The following TAFA1 variants were observed in gnomAD, a reference collection of about 807,000 sequenced individuals.
The protein encoded by TAFA1 is TAFA chemokine like family member 1, also known as chemokine-like protein TAFA-1.
Under a neutral mutation model 18.5 loss-of-function variants are expected in TAFA1, and 4 were observed. The observed-to-expected ratio is 0.22, with a 90% CI of 0.11 to 0.49. The LOEUF is 0.49. Ranked by LOEUF, TAFA1 falls within the 20% of genes least tolerant of loss-of-function variation. The pLI, the probability that TAFA1 is intolerant of heterozygous loss-of-function variation, is 0.98. For synonymous variants in TAFA1, 56 were observed against 55.2 expected (o/e 1.01, Z -0.06); for missense variants, 147 against 169.0 (o/e 0.87, Z 0.72).
intron 2 of TAFA1, among the ~76,000 whole-genome samples, chr3:68,066,043 A>T (rs2064674091): frequency 6.6e-6 from 1 of 152,152 alleles, no homozygotes; most frequent in South Asian, 2.1e-4. Flanking sequence ...AACAATAGTG[A>T]TAGGAAGCAG....
intron 2 of TAFA1, among the ~76,000 whole-genome samples, chr3:68,297,016 G>A (rs2068219251): frequency 6.6e-6 from 1 of 152,170 alleles, no homozygotes; most frequent in East Asian, 1.9e-4. Flanking sequence ...AAGAAGGGTG[G>A]ATCTTGCAGG....
chr3:68,088,716 A>G (rs1377058782), intron 2 of TAFA1, among the ~76,000 whole-genome samples: 1 of 152,222 alleles, frequency 6.6e-6, no homozygotes, highest in African/African-American at 2.4e-5. Context: ...GAGAGCTCTG[A>G]GCCAAGGAGT....
chr3:68,080,407 C>G (rs1056104798), intron 2 of TAFA1, among the ~76,000 whole-genome samples: 23 of 151,936 alleles, frequency 1.5e-4, no homozygotes, highest in African/African-American at 5.3e-4. Flanking sequence ...TCTTCCTAGT[C>G]TCGATGGTCT....
chr3:68,274,393 T>C (rs1192370800), intron 2 of TAFA1, among the ~76,000 whole-genome samples: 1 of 152,130 alleles, frequency 6.6e-6, no homozygotes, highest in East Asian at 1.9e-4. Flanking sequence ...GGTAAATTAA[T>C]AGAAAAGCAA....
chr3:68,478,415 GA>G (rs1258086026), intron 3 of TAFA1, among the ~76,000 whole-genome samples: 1 of 151,884 alleles, frequency 6.6e-6, no homozygotes, highest in Non-Finnish European at 1.5e-5. Context: ...GTGGAAATAA[GA>G]AGAAAAAAAA....
At chr3:68,485,831 A>G (rs1439442098) in intron 3 of TAFA1, among the ~76,000 whole-genome samples, 1 of 152,224 alleles carries the variant, frequency 6.6e-6, no homozygotes, top group Non-Finnish European at 1.5e-5. Context: ...AGCATTTAAG[A>G]GGAAAGTTTG....
intron 3 of TAFA1, among the ~76,000 whole-genome samples, chr3:68,482,133 C>T (rs1022587949): frequency 2.0e-5 from 3 of 152,226 alleles, no homozygotes; most frequent in African/African-American, 7.2e-5. Flanking sequence ...GCCTCAGCCT[C>T]CTGAGTAGCT....
At chr3:68,516,638 G>C (rs2072924648) in intron 3 of TAFA1, among the ~76,000 whole-genome samples, 1 of 152,146 alleles carries the variant, frequency 6.6e-6, no homozygotes, top group Non-Finnish European at 1.5e-5. Flanking sequence ...TGCTAGAAGA[G>C]GCAATAAAAG....
chr3:68,466,948 C>G (rs2071898253), intron 3 of TAFA1, among the ~76,000 whole-genome samples: 1 of 152,070 alleles, frequency 6.6e-6, no homozygotes, highest in Admixed American at 6.6e-5. Flanking sequence ...TTTTTATTAG[C>G]CAATTTTCAA....
In TAFA1 at chr3:68,095,271, A is replaced by G. The variant is rs374472633; in HGVS notation, c.118+88527A>G. On this transcript the variant is annotated intron_variant, in intron 2 of 4. Transcript: ENST00000478136. ...AATCCTTTGATCTTGATATCAGTTG[A>G]AATGGAAATATCTCTGAGTTTCATT... is the stretch of plus-strand genomic sequence containing the variant. Among the ~76,000 whole-genome samples the G allele has an allele frequency of 1.8e-4, 27 of 152,298 alleles. 1 individual carries two copies. In the South Asian group the frequency reaches 5.6e-3, roughly 32 times the overall value.
chr3:68,497,396 C>A (rs1158649490), intron 3 of TAFA1, among the ~76,000 whole-genome samples: 1 of 152,132 alleles, frequency 6.6e-6, no homozygotes, highest in East Asian at 1.9e-4. Context: ...AAGAGCAAGA[C>A]ACACCTATGA....
chr3:68,008,725 T>G lies in TAFA1; in HGVS notation c.118+1981T>G, dbSNP rs573219367. Among the ~76,000 whole-genome samples the G allele has an allele frequency of 7.2e-5, 11 of 152,284 alleles. 1 individual carries two copies. The highest frequency in any genetic ancestry group is 1.9e-4 in the African/African-American group (8 of 41,546). ...ATATAATTTTTGAAAACTTTCATTA[T>G]GTCAATACTTGGTCCAATCTCAACT... is the stretch of plus-strand genomic sequence containing the variant. On this transcript the variant is annotated intron_variant, in intron 2 of 4. Transcript: ENST00000478136.
At chr3:68,510,473 A>C (rs2072828422) in intron 3 of TAFA1, among the ~76,000 whole-genome samples, 1 of 152,114 alleles carries the variant, frequency 6.6e-6, no homozygotes, top group Admixed American at 6.6e-5. Flanking sequence ...AGCAGCCTGC[A>C]TCCCTTTTAA....
chr3:68,471,229 A>C (rs2106947843), intron 3 of TAFA1, among the ~76,000 whole-genome samples: 1 of 152,336 alleles, frequency 6.6e-6, no homozygotes, highest in Non-Finnish European at 1.5e-5. Flanking sequence ...AGTTTGCTGC[A>C]GGGGCAGGGC....
At chr3:68,254,226 G>A (rs1437926235) in intron 2 of TAFA1, among the ~76,000 whole-genome samples, 1 of 151,410 alleles carries the variant, frequency 6.6e-6, no homozygotes, top group Non-Finnish European at 1.5e-5. Context: ...ACTTCCTACT[G>A]GGCATTGGTC....
chr3:68,331,022 G>A (rs2068858196), intron 2 of TAFA1, among the ~76,000 whole-genome samples: 1 of 149,812 alleles, frequency 6.7e-6, no homozygotes, highest in Admixed American at 6.8e-5. Context: ...TAGCTAAAAG[G>A]TGAAACAAAA....
At chr3:68,341,484 C>T (rs2069082401) in intron 2 of TAFA1, among the ~76,000 whole-genome samples, 1 of 152,136 alleles carries the variant, frequency 6.6e-6, no homozygotes, top group South Asian at 2.1e-4. Flanking sequence ...CAAACTCTTG[C>T]AGCTAGAGGC....
chr3:68,099,275 T>A (rs1221769333), intron 2 of TAFA1, among the ~76,000 whole-genome samples: 2 of 152,106 alleles, frequency 1.3e-5, no homozygotes, highest in East Asian at 3.8e-4. Flanking sequence ...AGGTCTAATA[T>A]CCAGAATCTA....
chr3:68,132,621 G>A (rs2065555474), intron 2 of TAFA1, among the ~76,000 whole-genome samples: 1 of 152,166 alleles, frequency 6.6e-6, no homozygotes, highest in Non-Finnish European at 1.5e-5. Flanking sequence ...TTTCTCTTAT[G>A]ACCAGTGATG....
Sources: allele counts gnomAD v4.1 joint callset (sites outside exome capture counted in the v4.1 genomes callset), GRCh38; gene constraint gnomAD v4.1.1; transcripts MANE v1.5; gene names NCBI Gene and HGNC (gene_info 2026-07-23, HGNC 2026-07-21).